The following NRXN1 variants were observed in gnomAD, a reference collection of about 807,000 sequenced individuals.
NRXN1 encodes the protein neurexin-1.
Under a neutral mutation model 150.9 loss-of-function variants are expected in NRXN1, and 39 were observed. The ratio of observed to expected loss-of-function variants is 0.26; its 90% confidence interval spans 0.20 to 0.34. The LOEUF (loss-of-function observed/expected upper bound fraction) is 0.34. Ranked by LOEUF, NRXN1 falls within the 10% of genes least tolerant of loss-of-function variation. NRXN1 has a pLI of 1.00. For missense variants in NRXN1, 1,815 were observed against 1,949.9 expected, an observed-to-expected ratio of 0.93 and a Z score of 1.30; for synonymous variants, 924 against 757.0, an observed-to-expected ratio of 1.22 and a Z score of -3.62.
At chr2:50,672,262 TA>T (rs755403399) in intron 5 of NRXN1, among the ~76,000 whole-genome samples, 270 of 145,764 alleles carry the variant, frequency 1.9e-3, no homozygotes, top group Middle Eastern at 3.5e-3. Context: ...ATACCAATGT[TA>T]AAAAAAAAAA....
intron 18 of NRXN1, among the ~76,000 whole-genome samples, chr2:50,133,640 C>A (rs1294129596): frequency 6.6e-6 from 1 of 152,078 alleles, no homozygotes; most frequent in Non-Finnish European, 1.5e-5. Context: ...AAGCCACAGA[C>A]AAGGGAGAAG....
chr2:50,628,426 A>G (rs1269407292), intron 5 of NRXN1, among the ~76,000 whole-genome samples: 2 of 151,824 alleles, frequency 1.3e-5, no homozygotes, highest in African/African-American at 2.4e-5. Flanking sequence ...AATGCCATAA[A>G]TGGGACATAA....
chr2:50,486,173 T>A (rs1207520374), intron 15 of NRXN1, among the ~76,000 whole-genome samples: 1 of 152,144 alleles, frequency 6.6e-6, no homozygotes, highest in African/African-American at 2.4e-5. Context: ...CATTAGGACA[T>A]CATACTTATT....
intron 2 of NRXN1, among the ~76,000 whole-genome samples, chr2:51,002,875 T>G (rs1450584727): frequency 6.6e-6 from 1 of 151,990 alleles, no homozygotes; most frequent in African/African-American, 2.4e-5. Context: ...GTAGATACTC[T>G]TTAAGATTTC....
intron 17 of NRXN1, among the ~76,000 whole-genome samples, chr2:50,403,530 T>C (rs1454318920): frequency 1.3e-5 from 2 of 152,160 alleles, no homozygotes; most frequent in African/African-American, 4.8e-5. Context: ...ATGTACAGAA[T>C]AGTATTTTTG....
At chr2:50,583,065 T>G (rs1226376839) in intron 8 of NRXN1, among the ~76,000 whole-genome samples, 2 of 152,080 alleles carry the variant, frequency 1.3e-5, no homozygotes, top group Non-Finnish European at 2.9e-5. Context: ...TTTTTTTTCT[T>G]TTAGAGACAA....
At chr2:50,807,717 G>A (rs75360041) in intron 5 of NRXN1, among the ~76,000 whole-genome samples, 6,333 of 152,100 alleles carry the variant, frequency 0.042, 460 homozygotes, top group African/African-American at 0.14. Context: ...TTATCTTGGC[G>A]TTGTGTCACT....
intron 5 of NRXN1, among the ~76,000 whole-genome samples, chr2:50,884,631 T>C (rs72823543): frequency 6.6e-6 from 1 of 151,584 alleles, no homozygotes; most frequent in Admixed American, 6.6e-5. Flanking sequence ...GAGAGCACAT[T>C]ATCTTTCCAT....
chr2:50,860,785 T>C lies in NRXN1; in HGVS notation c.832+61084A>G, dbSNP rs149533012. Among the ~76,000 whole-genome samples, 890 of 152,208 alleles carry C rather than the reference T, an allele frequency of 5.8e-3. 8 individuals are homozygous for C. Among genetic ancestry groups the C allele is most frequent in the African/African-American group, 0.021 (857 of 41,558 alleles). On this transcript the variant is annotated intron_variant, in intron 5 of 22. Transcript: ENST00000401669. ...GACCCAGAGTGAGAGAGGATAGGCA[T>C]GGTCCCAGACCACATGAAGTAGAAT...
chr2:50,991,946 T>C (rs1301373837), intron 2 of NRXN1, among the ~76,000 whole-genome samples: 2 of 152,044 alleles, frequency 1.3e-5, no homozygotes, highest in African/African-American at 2.4e-5. Context: ...TATCTATTTA[T>C]ATCATAAAGC....
chr2:50,500,944 C>A (rs2091909659), intron 13 of NRXN1, among the ~76,000 whole-genome samples: 1 of 151,978 alleles, frequency 6.6e-6, no homozygotes, highest in African/African-American at 2.4e-5. Context: ...TTGAGAGGGG[C>A]AGAAAGGGCC....
intron 5 of NRXN1, among the ~76,000 whole-genome samples, chr2:50,832,095 G>A (rs67952187): frequency 0.076 from 11,610 of 152,178 alleles, 520 homozygotes; most frequent in Admixed American, 0.083. Flanking sequence ...GCATGCATAC[G>A]TACTAGAATC....
chr2:51,030,346 C>T (rs936541595), intron 1 of NRXN1, among the ~76,000 whole-genome samples: 3 of 151,580 alleles, frequency 2.0e-5, no homozygotes, highest in African/African-American at 4.9e-5. Context: ...CACTTTTTTT[C>T]CCTTACAAGC....
At chr2:50,206,533 T>C (rs1313017773) in intron 18 of NRXN1, among the ~76,000 whole-genome samples, 2 of 151,852 alleles carry the variant, frequency 1.3e-5, no homozygotes, top group East Asian at 1.9e-4. Flanking sequence ...TTGATGGCCA[T>C]ACCCTCTGTC....
Position 50,346,774 on chromosome 2 carries a change from A to C in NRXN1, c.3365-109804T>G, listed in dbSNP as rs779909293. ...CTTGCTGCTGCCATGGAAATGGTGG[A>C]TGTGGTGCGCTCCCAAACTGGATGC... On this transcript the variant is annotated intron_variant, in intron 17 of 22. Transcript: ENST00000401669. This position sits in a 1 kb window ranked among gnomAD's most constrained non-coding sequence, Gnocchi z 5.0. The C allele has an allele frequency of 2.5e-6, 4 of 1,613,728 alleles. No individual in the cohort carries two copies. In the South Asian group the frequency reaches 4.4e-5, roughly 18 times the overall value.
chr2:50,504,140 TAAAAAAAA>T (rs70948715), intron 13 of NRXN1, among the ~76,000 whole-genome samples: 1 of 112,436 alleles, frequency 8.9e-6, no homozygotes, highest in Non-Finnish European at 1.7e-5. Flanking sequence ...ACATGACAAC[TAAAAAAAA>T]AAAAAAAAAA....
chr2:50,639,486 G>C lies in NRXN1; in HGVS notation c.833-15871C>G, dbSNP rs545800713. Among the ~76,000 whole-genome samples, 9 of 151,870 alleles carry C rather than the reference G, an allele frequency of 5.9e-5. No homozygotes were observed. In the South Asian group the frequency reaches 1.7e-3, roughly 28 times the overall value. Reference sequence around the variant, plus strand: ...TCTGCCTGTCTCAGCCTCCCAAAGTGCTAAGATTATAGGTGTAAGCCACCA... The same window carrying C: ...TCTGCCTGTCTCAGCCTCCCAAAGTCCTAAGATTATAGGTGTAAGCCACCA... On this transcript the variant is annotated intron_variant, in intron 5 of 22. Coordinates refer to ENST00000401669, the MANE Select transcript of NRXN1 (RefSeq NM_001330078.2).
intron 21 of NRXN1, among the ~76,000 whole-genome samples, chr2:49,979,025 G>A (rs1382428568): frequency 3.9e-5 from 6 of 152,162 alleles, no homozygotes; most frequent in Non-Finnish European, 8.8e-5. Flanking sequence ...GAGGTCGGGT[G>A]CGGGGGCTCA....
chr2:50,114,881 G>C (rs188266882), intron 18 of NRXN1, among the ~76,000 whole-genome samples: 64 of 152,028 alleles, frequency 4.2e-4, no homozygotes, highest in South Asian at 1.2e-3. Context: ...TGAATAGGTA[G>C]AGTACAGAGG....
Sources: allele counts gnomAD v4.1 joint callset (sites outside exome capture counted in the v4.1 genomes callset), GRCh38; gene constraint gnomAD v4.1.1; non-coding constraint Gnocchi (gnomAD v3.1); transcripts MANE v1.5; gene names NCBI Gene and HGNC (gene_info 2026-07-23, HGNC 2026-07-21).